Variants in TTC19 observed in about 807,000 individuals in gnomAD.
TTC19 encodes tetratricopeptide repeat domain 19.
Under a neutral mutation model 49.5 loss-of-function variants are expected in TTC19, and 38 were observed. The observed-to-expected ratio is 0.77, with a 90% confidence interval of 0.59 to 1.01. TTC19 has a LOEUF of 1.01. TTC19 is among the 50% of genes least tolerant of loss of function. TTC19 has a pLI of 0.00. For missense variants in TTC19, 475 were observed against 477.7 expected (o/e 0.99, Z 0.05); for synonymous variants, 204 against 185.2 (o/e 1.10, Z -0.83).
intron 8 of TTC19, 32 bp from the exon 9 acceptor site, chr17:16,026,508 A>G: frequency 6.2e-7 from 1 of 1,611,024 alleles, no homozygotes; most frequent in Non-Finnish European, 8.5e-7. Context: ...GCATGTTTTT[A>G]AAGAAAAAAT....
intron 8 of TTC19, among the ~76,000 whole-genome samples, chr17:16,025,574 G>T (rs1971527064): frequency 6.6e-6 from 1 of 152,186 alleles, no homozygotes; most frequent in Non-Finnish European, 1.5e-5. Flanking sequence ...AATGGCAAGA[G>T]GTGAGGGAAG....
intron 7 of TTC19, 40 bp downstream of exon 7, chr17:16,006,608 A>G (rs1970916750): frequency 7.6e-7 from 1 of 1,311,320 alleles, no homozygotes; most frequent in Non-Finnish European, 1.1e-6. Flanking sequence ...TTTCTCCACA[A>G]AAGGCTTTAC....
chr17:16,009,646 A>G (rs1288240546), intron 7 of TTC19, among the ~76,000 whole-genome samples: 2 of 152,174 alleles, frequency 1.3e-5, no homozygotes, highest in African/African-American at 2.4e-5. Flanking sequence ...AGGAATTCCT[A>G]CCTATTCAGT....
chr17:16,013,300 AT>A (rs1357252466), intron 7 of TTC19, among the ~76,000 whole-genome samples: 1 of 152,212 alleles, frequency 6.6e-6, no homozygotes, highest in Non-Finnish European at 1.5e-5. Flanking sequence ...ATCAGAATTC[AT>A]TTCTAATTTC....
chr17:16,023,446 CAA>C (rs918819396), intron 7 of TTC19: 9 of 152,186 alleles, frequency 5.9e-5, no homozygotes, highest in Admixed American at 2.0e-4. Context: ...ACTTTGGAAA[CAA>C]GACATCATTC....
chr17:16,039,202 A>G (rs1200474894), intron 2 of TTC19: 3 of 519,904 alleles, frequency 5.8e-6, no homozygotes, highest in African/African-American at 5.7e-5. Flanking sequence ...AAAAATGGAC[A>G]TCCCAGGAGG....
At chr17:16,042,234 G>T (rs2057847573) in intron 2 of TTC19, among the ~76,000 whole-genome samples, 1 of 152,168 alleles carries the variant, frequency 6.6e-6, no homozygotes, top group Non-Finnish European at 1.5e-5. Flanking sequence ...TGGGCCAGGT[G>T]ACAAGGTAAA....
intron 7 of TTC19, among the ~76,000 whole-genome samples, chr17:16,010,034 T>G (rs1971019679): frequency 6.6e-6 from 1 of 152,044 alleles, no homozygotes; most frequent in Non-Finnish European, 1.5e-5. Context: ...ATTTATATTT[T>G]TCTTTTTAAT....
In TTC19 at chr17:16,039,687, T is replaced by A. The variant is rs115036757; in HGVS notation, c.248-4816T>A. 1.4e-3 allele frequency: 2,270 copies of A among 1,571,640 alleles called. 29 individuals carry two copies. In the African/African-American group the frequency reaches 0.026, roughly 18 times the overall value. On this transcript the variant is annotated intron_variant, in intron 2 of 2. Coordinates refer to the TTC19 transcript ENST00000470649. ...AGAATCAAAAACATTTCCACTTATT[T>A]CTGAAAGGCCAATCAGGAAACAAAC...
rs1333749347 is a variant in TTC19 at position 16,002,006 on chromosome 17, T to C, written c.404T>C (p.Ile135Thr). 6.2e-7 allele frequency: 1 copy of C among 1,612,224 alleles called. No individual in the cohort carries two copies. Among genetic ancestry groups the C allele is most frequent in the Non-Finnish European group, 8.5e-7 (1 of 1,179,558 alleles). The change falls in exon 3 of 10, where the codon ATC (isoleucine) becomes ACC (threonine). Residue 135 changes from isoleucine to threonine, a missense_variant. By Grantham distance (89) the Ile-to-Thr change is moderately conservative (BLOSUM62 -1). Coordinates refer to ENST00000261647, the MANE Select transcript of TTC19 (RefSeq NM_017775.4). ...LAYQTDNKKA[I>T]TYTYDLMANL... is the part of the protein sequence containing the mutation. ...TATCAGACTGATAACAAGAAGGCCA[T>C]CACTTACACTTATGATTTGGTAACT...
chr17:16,039,392 T>G (rs1567644749), intron 2 of TTC19: 2 of 1,587,074 alleles, frequency 1.3e-6, no homozygotes, highest in Admixed American at 1.7e-5. Context: ...CTGGCTTTTT[T>G]GGGGAAAAGC....
At chr17:16,027,225 C>T (rs1302021583) in intron 9 of TTC19, 149 bp from the exon 10 acceptor site, 2 of 885,276 alleles carry the variant, frequency 2.3e-6, no homozygotes, top group African/African-American at 3.3e-5. Flanking sequence ...TCCAGCCTGT[C>T]AGATGGGGAT....
chr17:16,027,305 T>G (rs1232580952), intron 9 of TTC19, 69 bp from the exon 10 acceptor site: 15 of 1,580,384 alleles, frequency 9.5e-6, no homozygotes, highest in Non-Finnish European at 1.3e-5. Flanking sequence ...GCATTCATGC[T>G]CTCTCTTCAG....
At position 16,028,014 on chromosome 17, in the gene TTC19, A is replaced by G. The variant is rs954993904; in HGVS notation, c.*492A>G. 7 of 454,072 alleles carry G rather than the reference A, an allele frequency of 1.5e-5. No individual in the cohort carries two copies. Among genetic ancestry groups the G allele is most frequent in the Admixed American group, 4.7e-5 (2 of 42,558 alleles). 28.1% of individuals were successfully genotyped at this position (454,072 alleles called of 1,614,324 possible). A position where few individuals can be genotyped will look rare whatever the true frequency, so the allele number is the denominator to read the frequency against. On this transcript the variant is annotated 3_prime_UTR_variant, in exon 10 of 10. Coordinates refer to ENST00000261647, the MANE Select transcript of TTC19 (RefSeq NM_017775.4). ...GTTCTTATAGTCTGTTTCATGAAGC[A>G]CAAGTGGAATTTAATACATAAAAGA...
chr17:16,003,515 A>G (rs1338382971), intron 4 of TTC19, among the ~76,000 whole-genome samples: 1 of 152,080 alleles, frequency 6.6e-6, no homozygotes, highest in Non-Finnish European at 1.5e-5. Flanking sequence ...GTAATCAAAA[A>G]GATGGAGAAG....
intron 2 of TTC19, among the ~76,000 whole-genome samples, chr17:16,042,356 C>A (rs2057882474): frequency 6.6e-6 from 1 of 152,126 alleles, no homozygotes; most frequent in Non-Finnish European, 1.5e-5. Flanking sequence ...GTTAAGATTA[C>A]CTTATTGATC....
chr17:16,029,471 A>G, downstream of TTC19: 1 of 277,108 alleles, frequency 3.6e-6, no homozygotes, highest in Non-Finnish European at 7.1e-6. Context: ...TACCAAAATT[A>G]AAAGCATTAT....
chr17:16,004,650 A>C (rs1212828219), intron 6 of TTC19, among the ~76,000 whole-genome samples: 1 of 152,240 alleles, frequency 6.6e-6, no homozygotes, highest in African/African-American at 2.4e-5. Flanking sequence ...AATAGAGTTC[A>C]AAGATGAAGC....
chr17:16,010,944 C>T (rs761972273), intron 7 of TTC19, among the ~76,000 whole-genome samples: 41 of 152,212 alleles, frequency 2.7e-4, no homozygotes, highest in Non-Finnish European at 1.0e-4. Context: ...ATAGTGTTAG[C>T]TGCTGAGCCA....
Sources: gnomAD v4.1 joint callset for allele counts (sites outside exome capture counted in the v4.1 genomes callset) on GRCh38, gnomAD v4.1.1 for gene constraint, MANE v1.5 for transcripts, NCBI Gene and HGNC (gene_info 2026-07-23, HGNC 2026-07-21) for gene names.